The following NPEPPS variants were observed in gnomAD, a reference collection of about 807,000 sequenced individuals.
NPEPPS encodes the protein aminopeptidase puromycin sensitive.
A neutral mutation model predicts 115.5 loss-of-function variants in NPEPPS; 14 were observed. That is an observed-to-expected ratio of 0.12 (90% CI 0.08 to 0.19). NPEPPS has a LOEUF of 0.19. NPEPPS is among the 10% of genes least tolerant of loss of function. The pLI, the probability that NPEPPS is intolerant of heterozygous loss-of-function variation, is 1.00. For synonymous variants in NPEPPS, 285 were observed against 390.6 expected, an observed-to-expected ratio of 0.73 and a Z score of 3.19; for missense variants, 523 against 1,110.8, an observed-to-expected ratio of 0.47 and a Z score of 7.52.
chr17:47,540,441 G>A (rs541315193), intron 1 of NPEPPS, among the ~76,000 whole-genome samples: 1 of 152,298 alleles, frequency 6.6e-6, no homozygotes, highest in East Asian at 1.9e-4. Context: ...ACATGAAGGT[G>A]TCAAAGGTGG....
At chr17:47,621,686 C>T in intron 22 of NPEPPS, 82 bp from the exon 23 acceptor site, 1 of 1,341,118 alleles carries the variant, frequency 7.5e-7, no homozygotes, top group Non-Finnish European at 1.0e-6. Context: ...TTCATATAGA[C>T]CAGTGGGTAT....
intron 2 of NPEPPS, among the ~76,000 whole-genome samples, chr17:47,556,306 A>G (rs923446340): frequency 2.0e-5 from 3 of 151,804 alleles, no homozygotes; most frequent in Non-Finnish European, 4.4e-5. Context: ...GCTACCTTCA[A>G]GCATCTGTTT....
chr17:47,554,538 T>A (rs1456089373), intron 2 of NPEPPS, among the ~76,000 whole-genome samples: 1 of 151,652 alleles, frequency 6.6e-6, no homozygotes, highest in Non-Finnish European at 1.5e-5. Context: ...TTGTAAAAAT[T>A]TTTTGTGAGT....
At chr17:47,525,062 T>C (rs1172539141) in intron 1 of NPEPPS, among the ~76,000 whole-genome samples, 1 of 151,952 alleles carries the variant, frequency 6.6e-6, no homozygotes, top group Non-Finnish European at 1.5e-5. Context: ...TGAAGCACCA[T>C]GGAGGGAAAT....
intron 3 of NPEPPS, among the ~76,000 whole-genome samples, chr17:47,575,678 C>T (rs190252371): frequency 5.3e-5 from 8 of 151,252 alleles, no homozygotes; most frequent in Admixed American, 4.0e-4. Flanking sequence ...GATCTCAGCT[C>T]ACTGCAAGCT....
At chr17:47,543,176 A>G (rs1908900437) in intron 1 of NPEPPS, among the ~76,000 whole-genome samples, 1 of 151,752 alleles carries the variant, frequency 6.6e-6, no homozygotes. Context: ...AAAATGCACA[A>G]GAGTGTTAAA....
chr17:47,589,302 C>G (rs1912369798), intron 9 of NPEPPS, among the ~76,000 whole-genome samples: 1 of 152,136 alleles, frequency 6.6e-6, no homozygotes, highest in African/African-American at 2.4e-5. Context: ...GTCACCCAAG[C>G]CGGAGTGCAG....
At chr17:47,540,509 T>C (rs879397686) in intron 1 of NPEPPS, among the ~76,000 whole-genome samples, 9 of 152,376 alleles carry the variant, frequency 5.9e-5, no homozygotes, top group Admixed American at 2.6e-4. Context: ...AGCATCACAA[T>C]GAGCAGTGTT....
At chr17:47,537,507 C>T (rs1259181512) in intron 1 of NPEPPS, among the ~76,000 whole-genome samples, 1 of 152,108 alleles carries the variant, frequency 6.6e-6, no homozygotes, top group Non-Finnish European at 1.5e-5. Flanking sequence ...GCCTGGACAA[C>T]ATGGTGAAAC....
At chr17:47,538,572 A>G (rs1455964384) in intron 1 of NPEPPS, among the ~76,000 whole-genome samples, 2 of 119,698 alleles carry the variant, frequency 1.7e-5, no homozygotes, top group African/African-American at 6.7e-5. Context: ...CTCTGTCGCC[A>G]AGGCCGGAGT....
At chr17:47,537,882 T>G (rs1346494803) in intron 1 of NPEPPS, among the ~76,000 whole-genome samples, 1 of 151,806 alleles carries the variant, frequency 6.6e-6, no homozygotes, top group Non-Finnish European at 1.5e-5. Context: ...GTTTCATATC[T>G]GTTTTTTTTT....
chr17:47,568,946 C>A (rs1413514014), intron 2 of NPEPPS, among the ~76,000 whole-genome samples: 1 of 151,874 alleles, frequency 6.6e-6, no homozygotes, highest in African/African-American at 2.4e-5. Context: ...TGAGCCACCA[C>A]GCCTGGCCAC....
chr17:47,615,383 T>A (rs1212846160), intron 19 of NPEPPS, among the ~76,000 whole-genome samples: 1 of 152,168 alleles, frequency 6.6e-6, no homozygotes, highest in Non-Finnish European at 1.5e-5. Context: ...GCCTGCTTTC[T>A]AAGAATATAA....
intron 5 of NPEPPS, among the ~76,000 whole-genome samples, chr17:47,583,150 G>A (rs1911987595): frequency 6.6e-6 from 1 of 151,278 alleles, no homozygotes; most frequent in East Asian, 1.9e-4. Flanking sequence ...GCCCAGCCAA[G>A]ACCTCTTTTT....
At chr17:47,584,781 C>T (rs769363776) in intron 5 of NPEPPS, among the ~76,000 whole-genome samples, 16 of 151,964 alleles carry the variant, frequency 1.1e-4, no homozygotes, top group Non-Finnish European at 2.4e-4. Context: ...AGAATGCCCT[C>T]GATCTAGAAG....
intron 13 of NPEPPS, among the ~76,000 whole-genome samples, chr17:47,598,516 T>G (rs1407288667): frequency 6.6e-6 from 1 of 152,178 alleles, no homozygotes; most frequent in Non-Finnish European, 1.5e-5. Context: ...CTCACATTTG[T>G]AATCCCAGCA....
intron 5 of NPEPPS, 131 bp from the exon 6 acceptor site, chr17:47,585,369 G>A (rs1346684886): frequency 1.3e-5 from 8 of 635,698 alleles, no homozygotes; most frequent in Non-Finnish European, 2.2e-5. Flanking sequence ...ATGAATTGGG[G>A]TAGAGAAATA....
chr17:47,549,966 G>T (rs1037833637), intron 2 of NPEPPS, among the ~76,000 whole-genome samples: 4 of 144,870 alleles, frequency 2.8e-5, no homozygotes, highest in South Asian at 2.2e-4. Flanking sequence ...ATGGAGTCTC[G>T]CTCTGTCACC....
intron 4 of NPEPPS, 124 bp from the exon 5 acceptor site, chr17:47,582,618 C>T (rs1290553865): frequency 4.1e-6 from 3 of 733,746 alleles, no homozygotes; most frequent in Non-Finnish European, 7.2e-6. Flanking sequence ...TTGCCTGGCA[C>T]TGAAGAGAAA....
Sources: gnomAD v4.1 joint callset for allele counts (sites outside exome capture counted in the v4.1 genomes callset) on GRCh38, gnomAD v4.1.1 for gene constraint, MANE v1.5 for transcripts, NCBI Gene and HGNC (gene_info 2026-07-23, HGNC 2026-07-21) for gene names.